The following ATRNL1 variants were observed in gnomAD, a reference collection of about 807,000 sequenced individuals.
ATRNL1 encodes the protein attractin-like protein 1.
A neutral mutation model predicts 182.7 loss-of-function variants in ATRNL1; 95 were observed. The ratio of observed to expected loss-of-function variants is 0.52; its 90% CI spans 0.44 to 0.62. The LOEUF (loss-of-function observed/expected upper bound fraction) is 0.62. ATRNL1 is among the 20% of genes least tolerant of loss of function. The probability of loss-of-function intolerance (pLI) is 0.00; values close to 1 mark genes in which losing one functional copy is unlikely to be tolerated. For missense variants in ATRNL1, 1,471 were observed against 1,679.5 expected, an observed-to-expected ratio of 0.88 and a Z score of 2.17; for synonymous variants, 576 against 568.3, an observed-to-expected ratio of 1.01 and a Z score of -0.19.
chr10:115,513,209 CAG>C (rs1850477552), intron 24 of ATRNL1, among the ~76,000 whole-genome samples: 1 of 151,896 alleles, frequency 6.6e-6, no homozygotes, highest in Non-Finnish European at 1.5e-5. Context: ...CTATTGTAGA[CAG>C]AGAAAAACTG....
intron 26 of ATRNL1, among the ~76,000 whole-genome samples, chr10:115,710,633 A>T (rs7076841): frequency 0.38 from 57,352 of 151,998 alleles, 11,756 homozygotes; most frequent in East Asian, 0.64. Context: ...GGGATGTAGG[A>T]GTCCTGGGAG....
intron 26 of ATRNL1, among the ~76,000 whole-genome samples, chr10:115,587,533 C>G (rs1288749493): frequency 6.6e-6 from 1 of 151,294 alleles, no homozygotes; most frequent in African/African-American, 2.4e-5. Flanking sequence ...CAGGTGCCAT[C>G]TGTCACCCCT....
intron 27 of ATRNL1, among the ~76,000 whole-genome samples, chr10:115,844,221 G>C (rs1950877478): frequency 6.6e-6 from 1 of 152,050 alleles, no homozygotes; most frequent in Admixed American, 6.6e-5. Context: ...ACTCGTCCAA[G>C]GACATCAGAT....
chr10:115,565,049 A>G (rs1555001256), intron 26 of ATRNL1, among the ~76,000 whole-genome samples: 1 of 151,982 alleles, frequency 6.6e-6, no homozygotes, highest in African/African-American at 2.4e-5. Flanking sequence ...ACAGTGGAGC[A>G]TTTCTAATGC....
chr10:115,369,448 T>C (rs1230970736), intron 19 of ATRNL1, among the ~76,000 whole-genome samples: 1 of 152,132 alleles, frequency 6.6e-6, no homozygotes, highest in Non-Finnish European at 1.5e-5. Context: ...AATGAGTTGA[T>C]CACTTTTGTG....
At chr10:115,151,745 T>C (rs1846242788) in intron 5 of ATRNL1, among the ~76,000 whole-genome samples, 1 of 152,218 alleles carries the variant, frequency 6.6e-6, no homozygotes, top group Non-Finnish European at 1.5e-5. Flanking sequence ...ATTTTGGCTT[T>C]TGTTGCCATT....
At chr10:115,852,976 G>T (rs1555100931) in intron 28 of ATRNL1, among the ~76,000 whole-genome samples, 1 of 152,168 alleles carries the variant, frequency 6.6e-6, no homozygotes, top group Non-Finnish European at 1.5e-5. Context: ...CAAGCCCTAA[G>T]ATCTAGACCT....
At position 115,586,926 on chromosome 10, in the gene ATRNL1, G is replaced by A. The variant is rs1239327181; in HGVS notation, c.3795+37390G>A. ...TATGATGATGGTAATGTACAGATGG[G>A]TTTTTGGTGTGGATGTCCTTTCTGT... On this transcript the variant is annotated intron_variant, in intron 26 of 28. Coordinates refer to ENST00000355044, the MANE Select transcript of ATRNL1 (RefSeq NM_207303.4). Among the ~76,000 whole-genome samples the A allele has an allele frequency of 1.4e-4, 17 of 118,170 alleles. 1 individual carries two copies. Among genetic ancestry groups the A allele is most frequent in the African/African-American group, 4.5e-4 (17 of 37,434 alleles). 77.5% of individuals were successfully genotyped at this position (118,170 alleles called of 152,430 possible). A position where few individuals can be genotyped will look rare whatever the true frequency, so the allele number is the denominator to read the frequency against.
intron 21 of ATRNL1, among the ~76,000 whole-genome samples, chr10:115,456,434 T>C (rs1243667650): frequency 6.6e-6 from 1 of 152,038 alleles, no homozygotes; most frequent in Non-Finnish European, 1.5e-5. Context: ...AGTTGAACAA[T>C]GAGAACATAT....
chr10:115,701,361 T>C (rs1946730906), intron 26 of ATRNL1, among the ~76,000 whole-genome samples: 1 of 151,954 alleles, frequency 6.6e-6, no homozygotes, highest in Admixed American at 6.6e-5. Context: ...ATTAGAAAGA[T>C]GTCAATTTAA....
chr10:115,418,634 A>G (rs1554961324), intron 20 of ATRNL1, among the ~76,000 whole-genome samples: 1 of 152,224 alleles, frequency 6.6e-6, no homozygotes, highest in Non-Finnish European at 1.5e-5. Context: ...TAAGAATACC[A>G]CAAGGCATGT....
intron 26 of ATRNL1, among the ~76,000 whole-genome samples, chr10:115,604,354 G>A (rs995112837): frequency 1.3e-5 from 2 of 152,038 alleles, no homozygotes; most frequent in Admixed American, 6.6e-5. Flanking sequence ...CTACTATTAA[G>A]GTATATCCTT....
chr10:115,887,340 C>A (rs1277354644), intron 28 of ATRNL1, among the ~76,000 whole-genome samples: 1 of 152,116 alleles, frequency 6.6e-6, no homozygotes, highest in Non-Finnish European at 1.5e-5. Context: ...AAGCAACAAA[C>A]ATTTATTACC....
chr10:115,773,947 C>T (rs1949056982), intron 27 of ATRNL1, among the ~76,000 whole-genome samples: 1 of 152,094 alleles, frequency 6.6e-6, no homozygotes, highest in Non-Finnish European at 1.5e-5. Flanking sequence ...TGAGGTTACA[C>T]ATTATCATTT....
chr10:115,613,327 A>G (rs1252677214), intron 26 of ATRNL1, among the ~76,000 whole-genome samples: 1 of 152,144 alleles, frequency 6.6e-6, no homozygotes, highest in Non-Finnish European at 1.5e-5. Context: ...GATGTTCCAC[A>G]TTTAGTTATT....
intron 26 of ATRNL1, among the ~76,000 whole-genome samples, chr10:115,660,471 G>A (rs1451915943): frequency 6.6e-6 from 1 of 152,070 alleles, no homozygotes; most frequent in Non-Finnish European, 1.5e-5. Flanking sequence ...TTGGTAGTAT[G>A]GTTTTAGAAG....
chr10:115,632,392 A>T (rs77904834), intron 26 of ATRNL1, among the ~76,000 whole-genome samples: 8,055 of 152,204 alleles, frequency 0.053, 683 homozygotes, highest in African/African-American at 0.18. Context: ...TTTTTATATG[A>T]TCTTCAGGGA....
chr10:115,274,503 T>A (rs534837886), intron 13 of ATRNL1, among the ~76,000 whole-genome samples: 1 of 152,254 alleles, frequency 6.6e-6, no homozygotes, highest in South Asian at 2.1e-4. Flanking sequence ...GCCCCTGAAT[T>A]TTAGATGAAT....
At chr10:115,405,188 G>A (rs1369344961) in intron 20 of ATRNL1, among the ~76,000 whole-genome samples, 2 of 152,012 alleles carry the variant, frequency 1.3e-5, no homozygotes, top group Non-Finnish European at 2.9e-5. Flanking sequence ...GAAATATCAG[G>A]GGATGAAATA....
Sources: gnomAD v4.1 joint callset for allele counts (sites outside exome capture counted in the v4.1 genomes callset) on GRCh38, gnomAD v4.1.1 for gene constraint, MANE v1.5 for transcripts, NCBI Gene and HGNC (gene_info 2026-07-23, HGNC 2026-07-21) for gene names.